The following HPSE2 variants were observed in gnomAD, a reference collection of about 807,000 sequenced individuals.
HPSE2 encodes heparanase 2 (inactive).
Under a neutral mutation model 60.5 loss-of-function variants are expected in HPSE2, and 38 were observed. That is an observed-to-expected ratio of 0.63 (90% CI 0.48 to 0.82). HPSE2 has a LOEUF of 0.82. HPSE2 is among the 40% of genes least tolerant of loss of function. The pLI, the probability that HPSE2 is intolerant of heterozygous loss-of-function variation, is 0.00. For synonymous variants in HPSE2, 295 were observed against 293.2 expected, an observed-to-expected ratio of 1.01 and a Z score of -0.06; for missense variants, 713 against 740.4, an observed-to-expected ratio of 0.96 and a Z score of 0.43.
intron 3 of HPSE2, among the ~76,000 whole-genome samples, chr10:99,090,070 T>C (rs1192787367): frequency 4.6e-5 from 7 of 152,294 alleles, no homozygotes; most frequent in South Asian, 4.1e-4. Flanking sequence ...AGGAGCTTTT[T>C]GGATGAGTCT....
intron 3 of HPSE2, among the ~76,000 whole-genome samples, chr10:99,124,288 C>G (rs1845079829): frequency 6.6e-6 from 1 of 152,114 alleles, no homozygotes; most frequent in Non-Finnish European, 1.5e-5. Flanking sequence ...TATGGGTGGG[C>G]CCGGAAAAAG....
intron 2 of HPSE2, among the ~76,000 whole-genome samples, chr10:99,216,446 C>T (rs559707626): frequency 5.3e-5 from 8 of 150,916 alleles, no homozygotes; most frequent in Middle Eastern, 6.8e-3. Flanking sequence ...CCGCCCGCCT[C>T]GGCCTCCCAA....
At chr10:98,642,923 A>G (rs1430107235) in intron 6 of HPSE2, among the ~76,000 whole-genome samples, 3 of 152,254 alleles carry the variant, frequency 2.0e-5, no homozygotes, top group Admixed American at 2.0e-4. Flanking sequence ...ACTACATATT[A>G]TAGAACTATG....
chr10:98,542,740 G>C (rs1167847255), intron 9 of HPSE2, among the ~76,000 whole-genome samples: 3 of 151,100 alleles, frequency 2.0e-5, no homozygotes, highest in African/African-American at 7.3e-5. Context: ...GATGGAAGAT[G>C]AAATGAATGA....
chr10:98,464,691 T>C (rs1940452570), intron 11 of HPSE2, among the ~76,000 whole-genome samples: 1 of 152,240 alleles, frequency 6.6e-6, no homozygotes, highest in African/African-American at 2.4e-5. Flanking sequence ...TCTGAGCAAG[T>C]GAATGGGCTT....
At chr10:98,745,862 T>C (rs1252143070) in intron 3 of HPSE2, among the ~76,000 whole-genome samples, 13 of 152,182 alleles carry the variant, frequency 8.5e-5, no homozygotes, top group Admixed American at 8.5e-4. Flanking sequence ...CACCAGAGGT[T>C]CTGCAAGAGA....
rs368232122 is a variant in HPSE2 at position 99,235,785 on chromosome 10, G to A, written c.18C>T (p.Ala6=). Residue 6 remains alanine, a synonymous_variant, in exon 1 of 12, where the codon GCC becomes GCT. Transcript: ENST00000370552. The part of the protein sequence containing the change: MRVLC[A]FPEAMPSSNS... ...TGCTGGAGGGCATGGCTTCAGGGAAGGCACAAAGCACCCTCATTCAATCCC... is the reference window on the plus strand; with the variant it reads ...TGCTGGAGGGCATGGCTTCAGGGAAAGCACAAAGCACCCTCATTCAATCCC... The A allele has an allele frequency of 2.5e-6, 4 of 1,613,378 alleles. No homozygotes were observed. In the African/African-American group the frequency reaches 4.0e-5, roughly 16 times the overall value.
chr10:99,271,162 A>C, the HPSE2 span, among the ~76,000 whole-genome samples: 1 of 152,204 alleles, frequency 6.6e-6, no homozygotes, highest in African/African-American at 2.4e-5. Flanking sequence ...GAAGAAATAA[A>C]GGACATCCAA....
At chr10:98,827,498 G>A (rs369682460) in intron 3 of HPSE2, among the ~76,000 whole-genome samples, 2 of 152,086 alleles carry the variant, frequency 1.3e-5, no homozygotes, top group African/African-American at 4.8e-5. Flanking sequence ...GAGCCACTGC[G>A]CCCGGCCCTA....
chr10:98,620,680 T>C lies in HPSE2; in HGVS notation c.1127A>G (p.Lys376Arg). The C allele has an allele frequency of 6.2e-7, 1 of 1,613,986 alleles. No homozygotes were observed. The highest frequency in any genetic ancestry group is 8.5e-7 in the Non-Finnish European group (1 of 1,179,890). Reference sequence around the variant, plus strand: ...GGTCACCACACCTTCAAGCCAAATCTTCTTTCCTGGAGTGTATGTATTAAC... The same window carrying C: ...GGTCACCACACCTTCAAGCCAAATCCTCTTTCCTGGAGTGTATGTATTAAC... Reference protein sequence around the residue: ...KVVNTYTPGKKIWLEGVVTTS... With the variant: ...KVVNTYTPGKRIWLEGVVTTS... Residue 376 changes from lysine (K) to arginine (R), a missense_variant, in exon 8 of 12, where the codon AAG (lysine) becomes AGG (arginine). Coordinates refer to ENST00000370552, the MANE Select transcript of HPSE2 (RefSeq NM_021828.5).
At chr10:98,634,386 A>G (rs1946442671) in intron 7 of HPSE2, among the ~76,000 whole-genome samples, 1 of 152,210 alleles carries the variant, frequency 6.6e-6, no homozygotes, top group Non-Finnish European at 1.5e-5. Flanking sequence ...TTGTGGTGAT[A>G]CTACTGTTCT....
chr10:99,308,387 A>AAAAAAAAAAAAAAAAAAAAAAAAAAAAG, the HPSE2 span, among the ~76,000 whole-genome samples: 1 of 146,922 alleles, frequency 6.8e-6, no homozygotes, highest in Admixed American at 6.9e-5. Context: ...CTCAAAAAAA[A>AAAAAAAAAAAAAAAAAAAAAAAAAAAAG]AAAAAAAAAG....
chr10:99,247,477 C>T, the HPSE2 span, among the ~76,000 whole-genome samples: 1 of 152,194 alleles, frequency 6.6e-6, no homozygotes, highest in African/African-American at 2.4e-5. Flanking sequence ...TATAAAGCAA[C>T]CACACAATAG....
intron 9 of HPSE2, among the ~76,000 whole-genome samples, chr10:98,520,911 T>C (rs1473051103): frequency 1.3e-5 from 2 of 152,132 alleles, no homozygotes; most frequent in Non-Finnish European, 2.9e-5. Context: ...ATTTAATAAA[T>C]GGTGTGGGGA....
chr10:98,467,952 G>A (rs1338214377), intron 11 of HPSE2, among the ~76,000 whole-genome samples: 2 of 152,208 alleles, frequency 1.3e-5, no homozygotes, highest in Admixed American at 6.5e-5. Context: ...CGGGGTCTGC[G>A]GCGCCCGCCA....
chr10:98,697,767 G>A, intron 5 of HPSE2, among the ~76,000 whole-genome samples: 1 of 152,136 alleles, frequency 6.6e-6, no homozygotes, highest in East Asian at 1.9e-4. Flanking sequence ...AGAAAGGCCA[G>A]GTCACCTACA....
intron 3 of HPSE2, among the ~76,000 whole-genome samples, chr10:98,939,416 A>T (rs987339387): frequency 7.0e-6 from 1 of 143,578 alleles, no homozygotes; most frequent in Admixed American, 7.0e-5. Flanking sequence ...AAACAAAAAA[A>T]GGCAGGGGTT....
chr10:99,212,525 A>C (rs1848984923), intron 2 of HPSE2, among the ~76,000 whole-genome samples: 2 of 152,176 alleles, frequency 1.3e-5, no homozygotes, highest in African/African-American at 4.8e-5. Flanking sequence ...GGATGAACCT[A>C]GGCAACATTA....
chr10:99,170,839 C>T (rs1847278917), intron 2 of HPSE2, among the ~76,000 whole-genome samples: 1 of 152,176 alleles, frequency 6.6e-6, no homozygotes, highest in Admixed American at 6.5e-5. Flanking sequence ...ATTCAACCAA[C>T]CACTGATCGA....
Sources: allele counts gnomAD v4.1 joint callset (sites outside exome capture counted in the v4.1 genomes callset), GRCh38; gene constraint gnomAD v4.1.1; transcripts MANE v1.5; gene names NCBI Gene and HGNC (gene_info 2026-07-23, HGNC 2026-07-21).